TTI1: variants seen among roughly 807,000 people sequenced by gnomAD.
TTI1 encodes the protein TELO2 interacting protein 1, also known as TELO2-interacting protein 1 homolog.
A neutral mutation model predicts 85.4 loss-of-function variants in TTI1; 52 were observed. That is an observed-to-expected ratio of 0.61 (90% CI 0.49 to 0.77). TTI1 has a LOEUF of 0.77. Ranked by LOEUF, TTI1 falls within the 30% of genes least tolerant of loss-of-function variation. The pLI is 0.00. For synonymous variants in TTI1, 512 were observed against 503.9 expected (o/e 1.02, Z -0.22); for missense variants, 1,173 against 1,296.0 (o/e 0.91, Z 1.46).
At chr20:37,999,926 T>C (rs769721102) in intron 4 of TTI1, among the ~76,000 whole-genome samples, 2 of 152,158 alleles carry the variant, frequency 1.3e-5, no homozygotes, top group Admixed American at 6.5e-5. Context: ...AGCAGGAAAG[T>C]GACATGATAC....
chr20:38,003,244 T>C lies in TTI1; in HGVS notation c.2504-468A>G, dbSNP rs564372870. On this transcript the variant is annotated intron_variant, in intron 3 of 7. Coordinates refer to ENST00000373447, the MANE Select transcript of TTI1 (RefSeq NM_001303457.2). ...TCTCATAGTGCTGGGATTACAGGTATGAGCCACTACACCAGGCTAAGCATG... is the reference window on the plus strand; with the variant it reads ...TCTCATAGTGCTGGGATTACAGGTACGAGCCACTACACCAGGCTAAGCATG... Among the ~76,000 whole-genome samples, 15 of 152,304 alleles carry C rather than the reference T, an allele frequency of 9.8e-5. No individual in the cohort carries two copies. The South Asian group carries it at 2.9e-3, about 29-fold the overall frequency.
Position 38,002,756 on chromosome 20 carries a change from T to A in TTI1, c.2524A>T (p.Lys842Ter). Residue 842 changes from lysine to a stop codon, truncating the protein, a stop_gained, in exon 4 of 8, where the codon AAA becomes TAA. Transcript: ENST00000373447. LOFTEE classifies it high-confidence loss of function. ...GGACGGGTGTCATTCTCATCCACTT[T>A]GGGAGGGACTGACTGTTCCTCTGGA... Reference protein sequence around the residue: ...NEEEEQSVPPKVDENDTRPDV... With the variant: ...NEEEEQSVPP 1 of 1,614,128 alleles carries A rather than the reference T, an allele frequency of 6.2e-7. No individual in the cohort carries two copies. Among genetic ancestry groups the A allele is most frequent in the Non-Finnish European group, 8.5e-7 (1 of 1,180,012 alleles).
At position 37,983,633 on chromosome 20, in the gene TTI1, G is replaced by C; in HGVS notation, c.3093C>G (p.Phe1031Leu). The C allele has an allele frequency of 6.6e-7, 1 of 1,525,724 alleles. No homozygotes were observed. The highest frequency in any genetic ancestry group is 8.8e-7 in the Non-Finnish European group (1 of 1,134,868). The allele number at this position is 1,525,724 out of a possible 1,614,324, so 94.5% of individuals were successfully genotyped here. Residue 1031 changes from phenylalanine (F) to leucine (L), a missense_variant, in exon 8 of 8, where the codon TTC becomes TTG. Coordinates refer to ENST00000373447, the MANE Select transcript of TTI1 (RefSeq NM_001303457.2). The part of the protein sequence containing the change: ...VKLQEAARSV[F>L]LHLMKVDPDS... ...CTGGGTCCACCTTCATCAAGTGGAGGAAGACGCTGTGGAGAGATGGAAAGG... is the reference window on the plus strand; with the variant it reads ...CTGGGTCCACCTTCATCAAGTGGAGCAAGACGCTGTGGAGAGATGGAAAGG...
chr20:38,012,340 G>C lies in TTI1; in HGVS notation c.1477C>G (p.Gln493Glu). 6.2e-7 allele frequency: 1 copy of C among 1,614,130 alleles called. No individual in the cohort carries two copies. The highest frequency in any genetic ancestry group is 8.5e-7 in the Non-Finnish European group (1 of 1,180,040). The stretch of plus-strand genomic sequence containing the variant: ...AGATTCCCATAATAACCAAGTAGCT[G>C]ACAAACCTGCCTCAAGAGCATGAAG... ...RIFMLLRQVC[Q>E]LLGYYGNLYL... Residue 493 changes from glutamine to glutamate, a missense_variant, in exon 2 of 8, where the codon CAG becomes GAG. Physicochemically the swap from Gln to Glu is conservative, Grantham distance 29 (BLOSUM62 2). Transcript: ENST00000373447.
chr20:37,997,297 T>A (rs1002764968), intron 5 of TTI1, among the ~76,000 whole-genome samples: 4 of 152,010 alleles, frequency 2.6e-5, no homozygotes, highest in African/African-American at 4.8e-5. Flanking sequence ...ACATAGATCA[T>A]TTCTTGAATC....
chr20:38,020,883 A>C (rs2073761237), intron 1 of TTI1, among the ~76,000 whole-genome samples: 1 of 152,242 alleles, frequency 6.6e-6, no homozygotes, highest in African/African-American at 2.4e-5. Flanking sequence ...TAAAACTCTC[A>C]TTCAATGCTG....
intron 7 of TTI1, chr20:37,987,141 A>G (rs769682592): frequency 8.8e-6 from 4 of 456,584 alleles, no homozygotes; most frequent in African/African-American, 8.0e-5. Context: ...CTGGGAGCTG[A>G]GCCTGAGGCC....
Position 38,012,706 on chromosome 20 carries a change from C to T in TTI1, c.1111G>A (p.Ala371Thr), listed in dbSNP as rs372043570. The T allele has an allele frequency of 9.3e-6, 15 of 1,614,062 alleles. No individual in the cohort carries two copies. Among genetic ancestry groups the T allele is most frequent in the African/African-American group, 1.3e-5 (1 of 74,924 alleles). ...QKVVVGNKAL[A>T]DILSESLHSL... Reference sequence around the variant, plus strand: ...TGCAGGCTTTCTGACAAGATGTCAGCGAGGGCTTTGTTGCCCACCACTACT... The same window carrying T: ...TGCAGGCTTTCTGACAAGATGTCAGTGAGGGCTTTGTTGCCCACCACTACT... The change falls in exon 2 of 8, where the codon GCT becomes ACT. Residue 371 changes from alanine to threonine, a missense_variant. Physicochemically the swap from Ala to Thr is moderately conservative, Grantham distance 58. Transcript: ENST00000373447.
At chr20:38,033,233 A>G (rs1188728129) in intron 1 of TTI1, among the ~76,000 whole-genome samples, 171 bp downstream of exon 1, 4 of 152,166 alleles carry the variant, frequency 2.6e-5, no homozygotes, top group Non-Finnish European at 5.9e-5. Context: ...GGACAGCCAG[A>G]GAGCCGAACA....
At position 38,014,799 on chromosome 20, in the gene TTI1, T is replaced by C. The variant is rs532420490; in HGVS notation, c.-41-942A>G. ...TTTTGTGAAGAGAAATTCAAAGTCATGGGCTGACAGTGAACAAGGAGAAGG... is the reference window on the plus strand; with the variant it reads ...TTTTGTGAAGAGAAATTCAAAGTCACGGGCTGACAGTGAACAAGGAGAAGG... On this transcript the variant is annotated intron_variant, in intron 1 of 7. Coordinates refer to ENST00000373447, the MANE Select transcript of TTI1 (RefSeq NM_001303457.2). 3.4e-4 allele frequency among the ~76,000 whole-genome samples: 52 copies of C among 151,940 alleles called. 1 individual carries two copies. In the South Asian group the frequency reaches 7.9e-3, roughly 23 times the overall value.
Position 37,996,370 on chromosome 20 carries a change from CG to C in TTI1, c.3086+4del, listed in dbSNP as rs1568611568. On this transcript the variant is annotated splice_donor_region_variant and intron_variant, in intron 7 of 7. Coordinates refer to ENST00000373447, the MANE Select transcript of TTI1 (RefSeq NM_001303457.2). ...AAAGGGATGCGGGTGATCAGGCAGA[CG>C]TACCTCCTGGCAGCCTCTTGTAATT... The C allele has an allele frequency of 6.2e-7, 1 of 1,613,926 alleles. No individual in the cohort carries two copies. Among genetic ancestry groups the C allele is most frequent in the African/African-American group, 1.3e-5 (1 of 74,898 alleles).
At chr20:38,021,278 T>C (rs549829935) in intron 1 of TTI1, among the ~76,000 whole-genome samples, 2 of 152,328 alleles carry the variant, frequency 1.3e-5, no homozygotes. Flanking sequence ...CATTGCTACT[T>C]TGACATGACT....
intron 7 of TTI1, among the ~76,000 whole-genome samples, chr20:37,992,221 A>C (rs1016382185): frequency 6.6e-6 from 1 of 152,086 alleles, no homozygotes; most frequent in Non-Finnish European, 1.5e-5. Context: ...GGTGGAGGCC[A>C]AGCATCCTAA....
At chr20:37,991,501 G>A (rs557922134) in intron 7 of TTI1, among the ~76,000 whole-genome samples, 8 of 152,346 alleles carry the variant, frequency 5.3e-5, no homozygotes, top group African/African-American at 1.9e-4. Flanking sequence ...GATGGGATGG[G>A]ATCCTACTGC....
At chr20:38,005,972 T>C in intron 3 of TTI1, 1 of 507,492 alleles carries the variant, frequency 2.0e-6, no homozygotes, top group Non-Finnish European at 3.5e-6. Context: ...CAGAGTTGCT[T>C]ATAACTAAAC....
chr20:38,027,815 T>C (rs777589583), intron 1 of TTI1, among the ~76,000 whole-genome samples: 1 of 152,024 alleles, frequency 6.6e-6, no homozygotes, highest in African/African-American at 2.4e-5. Context: ...TCCCAGCTAC[T>C]CAGGAGGCTG....
chr20:38,027,446 C>A (rs1314918768), intron 1 of TTI1, among the ~76,000 whole-genome samples: 1 of 152,078 alleles, frequency 6.6e-6, no homozygotes, highest in Admixed American at 6.5e-5. Flanking sequence ...GGAGTGCCAA[C>A]CCCCTCGAGC....
At chr20:37,994,674 C>T (rs1206407388) in intron 7 of TTI1, among the ~76,000 whole-genome samples, 1 of 152,152 alleles carries the variant, frequency 6.6e-6, no homozygotes, top group East Asian at 1.9e-4. Flanking sequence ...ATCCACCTAG[C>T]TCTTCCTCCC....
intron 7 of TTI1, among the ~76,000 whole-genome samples, chr20:37,995,921 C>A (rs759525979): frequency 2.0e-5 from 3 of 152,198 alleles, no homozygotes; most frequent in African/African-American, 4.8e-5. Context: ...TGCCTGCACA[C>A]AAACAATTTT....
Sources: allele counts gnomAD v4.1 joint callset (sites outside exome capture counted in the v4.1 genomes callset), GRCh38; gene constraint gnomAD v4.1.1; transcripts MANE v1.5; gene names NCBI Gene and HGNC (gene_info 2026-07-23, HGNC 2026-07-21).